ROPN1: variants seen among roughly 807,000 people sequenced by gnomAD.
ROPN1 encodes ropporin-1A.
A neutral mutation model predicts 20.5 loss-of-function variants in ROPN1; 14 were observed. The observed-to-expected ratio is 0.68, with a 90% CI of 0.45 to 1.07. The LOEUF is 1.07. Among genes scored for constraint, ROPN1 ranks in the 50% least tolerant of loss-of-function variants. ROPN1 has a pLI of 0.00. For missense variants in ROPN1, 169 were observed against 242.8 expected (o/e 0.70, Z 2.02); for synonymous variants, 76 against 95.7 (o/e 0.79, Z 1.20).
intron 1 of ROPN1, among the ~76,000 whole-genome samples, chr3:123,985,364 T>G (rs1362258773): frequency 6.6e-6 from 1 of 152,244 alleles, no homozygotes; most frequent in Non-Finnish European, 1.5e-5. Context: ...TGCATATGTG[T>G]TGCAAATACT....
intron 1 of ROPN1, among the ~76,000 whole-genome samples, chr3:123,987,609 A>G (rs1302654145): frequency 6.6e-6 from 1 of 152,208 alleles, no homozygotes; most frequent in Non-Finnish European, 1.5e-5. Flanking sequence ...AATTTGCCTT[A>G]TTCGTATTAA....
At chr3:123,983,649 C>A (rs1456123778) in intron 1 of ROPN1, among the ~76,000 whole-genome samples, 1 of 152,162 alleles carries the variant, frequency 6.6e-6, no homozygotes, top group Admixed American at 6.5e-5. Context: ...TTGTCTTTCT[C>A]AGGGGTTGGT....
intron 4 of ROPN1, among the ~76,000 whole-genome samples, chr3:123,973,970 G>A (rs2037964870): frequency 1.3e-5 from 2 of 152,220 alleles, no homozygotes; most frequent in South Asian, 4.1e-4. Flanking sequence ...TGGTCCTAGA[G>A]TCAGCTCTTT....
At chr3:123,979,171 C>T (rs1321582958) in intron 2 of ROPN1, 1 of 234,986 alleles carries the variant, frequency 4.3e-6, no homozygotes, top group Non-Finnish European at 8.5e-6. Flanking sequence ...GCACCACTGG[C>T]TTATTTTCCT....
intron 1 of ROPN1, among the ~76,000 whole-genome samples, chr3:123,990,246 G>A (rs183319284): frequency 6.6e-6 from 1 of 152,016 alleles, no homozygotes; most frequent in Admixed American, 6.6e-5. Context: ...TAGGAGATAG[G>A]ATCTACAGGA....
At chr3:123,970,850 G>T (rs1430220923) in intron 4 of ROPN1, among the ~76,000 whole-genome samples, 1 of 152,178 alleles carries the variant, frequency 6.6e-6, no homozygotes, top group African/African-American at 2.4e-5. Flanking sequence ...GGTTGACAAT[G>T]AGTGCCAGGA....
intron 4 of ROPN1, among the ~76,000 whole-genome samples, chr3:123,970,577 A>G (rs1004461772): frequency 6.6e-6 from 1 of 152,232 alleles, no homozygotes; most frequent in Admixed American, 6.5e-5. Flanking sequence ...ATTACCCTCC[A>G]GTCTTATCTC....
At chr3:123,975,959 C>T (rs1463714996) in intron 3 of ROPN1, among the ~76,000 whole-genome samples, 6 of 152,138 alleles carry the variant, frequency 3.9e-5, no homozygotes, top group African/African-American at 1.4e-4. Context: ...TCTGTTTCTT[C>T]CCGATTGCAC....
In ROPN1 at chr3:123,976,926, G is replaced by C. The variant is rs766797307; in HGVS notation, c.172C>G (p.Arg58Gly). The C allele has an allele frequency of 6.8e-6, 11 of 1,614,094 alleles. No individual in the cohort carries two copies. Among genetic ancestry groups the C allele is most frequent in the Non-Finnish European group, 8.5e-6 (10 of 1,180,010 alleles). The change falls in exon 3 of 6, where the codon CGA becomes GGA. Residue 58 changes from arginine (R) to glycine (G), a missense_variant. Transcript: ENST00000405845. ...TCTGCCCGGTTACACAAAGCGACTC[G>C]CTCAGACCGCTCTCTCACCGGAGGC... ...ETPPVRERSE[R>G]VALCNRAELT...
chr3:123,977,022 C>A, intron 2 of ROPN1, 41 bp from the exon 3 acceptor site: 1 of 1,518,682 alleles, frequency 6.6e-7, no homozygotes, highest in Non-Finnish European at 8.8e-7. Flanking sequence ...ATCCTATACA[C>A]CAGTGGCCTC....
At chr3:123,974,888 A>C (rs567436212) in intron 4 of ROPN1, 1 of 188,544 alleles carries the variant, frequency 5.3e-6, no homozygotes, top group Non-Finnish European at 1.1e-5. Flanking sequence ...TGGAGATGTC[A>C]TGACTAAATT....
chr3:123,974,355 T>G (rs2037974029), intron 4 of ROPN1, among the ~76,000 whole-genome samples: 2 of 152,190 alleles, frequency 1.3e-5, no homozygotes, highest in Non-Finnish European at 2.9e-5. Flanking sequence ...CCTCAGAGGA[T>G]AGTGATTTAT....
chr3:123,990,624 C>T (rs2038385754), intron 1 of ROPN1, among the ~76,000 whole-genome samples: 1 of 152,234 alleles, frequency 6.6e-6, no homozygotes, highest in Non-Finnish European at 1.5e-5. Flanking sequence ...TCCATTCTAT[C>T]TTAACATTCC....
intron 1 of ROPN1, among the ~76,000 whole-genome samples, chr3:123,984,907 AG>A (rs1340154928): frequency 1.3e-5 from 2 of 152,122 alleles, no homozygotes; most frequent in Non-Finnish European, 2.9e-5. Flanking sequence ...ATACTTCCCC[AG>A]GGTTTTTCAT....
chr3:123,991,673 A>G (rs1275659042), intron 1 of ROPN1, among the ~76,000 whole-genome samples: 352 of 104,914 alleles, frequency 3.4e-3, no homozygotes, highest in African/African-American at 0.011. Context: ...GAGCCTCCCA[A>G]CCACTGTCCT....
At chr3:123,990,296 G>A (rs867979336) in intron 1 of ROPN1, among the ~76,000 whole-genome samples, 7 of 151,836 alleles carry the variant, frequency 4.6e-5, no homozygotes, top group Non-Finnish European at 4.4e-5. Context: ...GAAGAAAAGA[G>A]GAGGTGGAGG....
intron 1 of ROPN1, among the ~76,000 whole-genome samples, chr3:123,987,805 T>C: frequency 6.6e-6 from 1 of 152,376 alleles, no homozygotes; most frequent in South Asian, 2.1e-4. Flanking sequence ...AACTTGCTTA[T>C]ATATCATGCT....
At chr3:123,972,504 G>T (rs1316646781) in intron 4 of ROPN1, among the ~76,000 whole-genome samples, 3 of 152,224 alleles carry the variant, frequency 2.0e-5, no homozygotes, top group Admixed American at 6.5e-5. Context: ...CTACATACGT[G>T]ATCTCTTCCT....
chr3:123,983,088 G>T lies in ROPN1; in HGVS notation c.-12-2595C>A, dbSNP rs567127246. On this transcript the variant is annotated intron_variant, in intron 1 of 5. Transcript: ENST00000405845. ...AGATGTGTTACCCATTGCACCACTG[G>T]CCCCAAGCTGAGAATTTCCTTGTTC... is the stretch of plus-strand genomic sequence containing the variant. Among the ~76,000 whole-genome samples, 5 of 152,162 alleles carry T rather than the reference G, an allele frequency of 3.3e-5. No individual in the cohort carries two copies. In the East Asian group the frequency reaches 9.6e-4, roughly 29 times the overall value.
Sources: gnomAD v4.1 joint callset for allele counts (sites outside exome capture counted in the v4.1 genomes callset) on GRCh38, gnomAD v4.1.1 for gene constraint, MANE v1.5 for transcripts, NCBI Gene and HGNC (gene_info 2026-07-23, HGNC 2026-07-21) for gene names.